The following NOX5 variants were observed in gnomAD, a reference collection of about 807,000 sequenced individuals.
NOX5 encodes the protein NADPH oxidase, EF-hand calcium binding domain 5.
Under a neutral mutation model 85.7 loss-of-function variants are expected in NOX5, and 76 were observed. The observed-to-expected ratio is 0.89, with a 90% CI of 0.74 to 1.07. NOX5 has a LOEUF of 1.07. NOX5 is among the 50% of genes least tolerant of loss of function. NOX5 has a pLI of 0.00. For synonymous variants in NOX5, 405 were observed against 401.4 expected (o/e 1.01, Z -0.11); for missense variants, 973 against 999.5 (o/e 0.97, Z 0.36).
chr15:69,026,782 G>A (rs945669678), intron 2 of NOX5, 131 bp downstream of exon 2: 89 of 1,276,794 alleles, frequency 7.0e-5, no homozygotes, highest in East Asian at 9.6e-5. Context: ...GCGGGCTGGC[G>A]GGATGTTTAT....
intron 5 of NOX5, among the ~76,000 whole-genome samples, chr15:69,033,710 T>C (rs971409575): frequency 2.0e-5 from 3 of 149,758 alleles, no homozygotes; most frequent in African/African-American, 2.5e-5. Flanking sequence ...TCTTTTTTTT[T>C]TTTTTTTGAG....
intron 15 of NOX5, among the ~76,000 whole-genome samples, chr15:69,055,853 T>C (rs1369764075): frequency 1.3e-5 from 2 of 152,210 alleles, no homozygotes; most frequent in African/African-American, 4.8e-5. Flanking sequence ...ATGGGGAAAC[T>C]GAGGCACAGA....
At chr15:69,041,127 C>T (rs921054809) in intron 9 of NOX5, among the ~76,000 whole-genome samples, 2 of 152,210 alleles carry the variant, frequency 1.3e-5, no homozygotes, top group Non-Finnish European at 1.5e-5. Context: ...AGCTTGTTTA[C>T]TGGAGTCAGG....
intron 14 of NOX5, 56 bp downstream of exon 14, chr15:69,049,114 C>T: frequency 9.0e-7 from 1 of 1,108,898 alleles, no homozygotes; most frequent in Non-Finnish European, 1.3e-6. Flanking sequence ...CCTTCAGCTT[C>T]TTTAAAAAAA....
At chr15:69,045,568 C>CTTT (rs1555437242) in intron 10 of NOX5, among the ~76,000 whole-genome samples, 35 of 48,396 alleles carry the variant, frequency 7.2e-4, no homozygotes, top group African/African-American at 2.9e-3. Flanking sequence ...TTCTTTCTTT[C>CTTT]TTCCCTTTCT....
Position 69,061,474 on chromosome 15 carries a change from G to T in NOX5, c.*4778G>T, listed in dbSNP as rs987098989. On this transcript the variant is annotated 3_prime_UTR_variant, in exon 16 of 16. Coordinates refer to ENST00000388866, the MANE Select transcript of NOX5 (RefSeq NM_024505.4). ...AGCCTGGGAGTTGAGATGCCTCAGGGCACACTGTCTGTGCTAAACAAATAC... is the reference window on the plus strand; with the variant it reads ...AGCCTGGGAGTTGAGATGCCTCAGGTCACACTGTCTGTGCTAAACAAATAC... The T allele has an allele frequency of 1.3e-5, 2 of 152,394 alleles. No individual in the cohort carries two copies. The highest frequency in any genetic ancestry group is 3.4e-3 in the Middle Eastern group (1 of 294). The allele number at this position is 152,394 out of a possible 1,614,324, so 9.4% of individuals were successfully genotyped here.
chr15:69,030,715 G>A (rs2050417499), intron 3 of NOX5: 1 of 152,230 alleles, frequency 6.6e-6, no homozygotes, highest in East Asian at 1.9e-4. Flanking sequence ...CCGGAATGAT[G>A]ATCACAACAC....
intron 9 of NOX5, 58 bp from the exon 10 acceptor site, chr15:69,042,605 G>C: frequency 6.4e-7 from 1 of 1,564,068 alleles, no homozygotes; most frequent in Non-Finnish European, 8.6e-7. Context: ...GGTGAGGCTT[G>C]CTCCCTGGTG....
intron 7 of NOX5, among the ~76,000 whole-genome samples, chr15:69,036,404 T>C (rs994063172): frequency 3.3e-5 from 5 of 152,228 alleles, no homozygotes; most frequent in Non-Finnish European, 7.3e-5. Flanking sequence ...AAAATGTTAG[T>C]TCCATCTTTG....
At chr15:69,045,576 T>TCTTTCTTTCTTTCTTTCTTTCTTCC (rs1300692792) in intron 10 of NOX5, among the ~76,000 whole-genome samples, 2 of 129,146 alleles carry the variant, frequency 1.5e-5, no homozygotes, top group African/African-American at 5.8e-5. Context: ...TTCTTCCCTT[T>TCTTTCTTTCTTTCTTTCTTTCTTCC]CTTTCTTTTC....
At position 69,035,850 on chromosome 15, in the gene NOX5, TC is replaced by T; in HGVS notation, c.1106del (p.Pro369ArgfsTer111). 1 of 1,614,078 alleles carries T rather than the reference TC, an allele frequency of 6.2e-7. No homozygotes were observed. Among genetic ancestry groups the T allele is most frequent in the Non-Finnish European group, 8.5e-7 (1 of 1,179,962 alleles). On this transcript the variant is annotated frameshift_variant, in exon 7 of 16. Coordinates refer to ENST00000388866, the MANE Select transcript of NOX5 (RefSeq NM_024505.4). LOFTEE classifies it high-confidence loss of function. ...PGIGWVHGSA[S>X]PTGVALLLLL... ...CATTGGCTGGGTACACGGTTCGGCC[TC>T]CCCGACAGGTGTCGCTCTGCTGCTG...
intron 14 of NOX5, among the ~76,000 whole-genome samples, chr15:69,051,746 G>A (rs950147194): frequency 3.9e-5 from 6 of 152,042 alleles, no homozygotes; most frequent in Admixed American, 6.6e-5. Context: ...TATTTATGGG[G>A]GGTGAGTGCT....
chr15:69,039,587 G>A (rs1398858276), intron 9 of NOX5, among the ~76,000 whole-genome samples: 1 of 152,212 alleles, frequency 6.6e-6, no homozygotes, highest in Non-Finnish European at 1.5e-5. Context: ...GGAGTAGCCA[G>A]CTCAGGAGAG....
rs1567106557 is a variant in NOX5, at chr15:69,047,858, A to C, written c.1846A>C (p.Ser616Arg). 6.2e-7 allele frequency: 1 copy of C among 1,614,126 alleles called. No homozygotes were observed. Among genetic ancestry groups the C allele is most frequent in the South Asian group, 1.1e-5 (1 of 91,070 alleles). The change falls in exon 13 of 16, where the codon AGC becomes CGC. Residue 616 changes from serine to arginine, a missense_variant. Transcript: ENST00000388866. ...CCAGAAAAGAAAGCATACTTGCCCC[A>C]GCTGCCAGCACTCCTGGATCGAAGG... ...RHQKRKHTCP[S>R]CQHSWIEGVQ...
Position 69,037,034 on chromosome 15 carries a change from T to C in NOX5, c.1195T>C (p.Tyr399His). The C allele has an allele frequency of 1.2e-6, 2 of 1,608,574 alleles. No individual in the cohort carries two copies. The highest frequency in any genetic ancestry group is 1.7e-6 in the Non-Finnish European group (2 of 1,176,952). Residue 399 changes from tyrosine (Y) to histidine (H), a missense_variant, in exon 8 of 16, where the codon TAT becomes CAT. By Grantham distance (83) the Tyr-to-His change is moderately conservative. Transcript: ENST00000388866. Reference sequence around the variant, plus strand: ...GCCCCCCCTACCCCCATAGGTGTTCTATTGGACTCACCTGTCCTACCTCCT... The same window carrying C: ...GCCCCCCCTACCCCCATAGGTGTTCCATTGGACTCACCTGTCCTACCTCCT... Reference protein sequence around the residue: ...IRRSGHFEVFYWTHLSYLLVW... With the variant: ...IRRSGHFEVFHWTHLSYLLVW...
At chr15:69,028,620 G>A in intron 3 of NOX5, 1 of 332,384 alleles carries the variant, frequency 3.0e-6, no homozygotes, top group Non-Finnish European at 5.5e-6. Context: ...GGAGACAAAT[G>A]CCTTCTATTC....
At chr15:69,020,769 C>A (rs1017678417) in intron 1 of NOX5, among the ~76,000 whole-genome samples, 2 of 151,840 alleles carry the variant, frequency 1.3e-5, no homozygotes, top group Admixed American at 6.6e-5. Flanking sequence ...ATGCATTAAA[C>A]TAGAGAAACT....
In NOX5 at chr15:69,033,068, G is replaced by A. The variant is rs1264697147; in HGVS notation, c.646G>A (p.Ala216Thr). ...ISAAHWLTAPAPRPRPRRPRQ... is the reference protein window; with the variant it reads ...ISAAHWLTAPTPRPRPRRPRQ... ...CGCTGCCCACTGGCTGACGGCCCCCGCCCCCCGCCCACGCCCGCGCCGGCC... is the reference window on the plus strand; with the variant it reads ...CGCTGCCCACTGGCTGACGGCCCCCACCCCCCGCCCACGCCCGCGCCGGCC... Residue 216 changes from alanine (A) to threonine (T), a missense_variant, in exon 5 of 16, where the codon GCC becomes ACC. Coordinates refer to ENST00000388866, the MANE Select transcript of NOX5 (RefSeq NM_024505.4). 23 of 1,544,010 alleles carry A rather than the reference G, an allele frequency of 1.5e-5. No individual in the cohort carries two copies. The East Asian group carries it at 4.0e-4, about 27-fold the overall frequency.
intron 14 of NOX5, among the ~76,000 whole-genome samples, chr15:69,054,365 G>C (rs2050784785): frequency 6.6e-6 from 1 of 152,176 alleles, no homozygotes; most frequent in Non-Finnish European, 1.5e-5. Context: ...CTTCGTCCCA[G>C]TCTCCTTCCC....
Sources: gnomAD v4.1 joint callset for allele counts (sites outside exome capture counted in the v4.1 genomes callset) on GRCh38, gnomAD v4.1.1 for gene constraint, MANE v1.5 for transcripts, NCBI Gene and HGNC (gene_info 2026-07-23, HGNC 2026-07-21) for gene names.